The following ESRRG variants were observed in gnomAD, a reference collection of about 807,000 sequenced individuals.
ESRRG encodes the protein estrogen-related receptor gamma.
A neutral mutation model predicts 44.0 loss-of-function variants in ESRRG; 13 were observed. That is an observed-to-expected ratio of 0.30 (90% CI 0.19 to 0.47). ESRRG has a LOEUF of 0.47. ESRRG is among the 20% of genes least tolerant of loss of function. ESRRG has a pLI of 1.00. For missense variants in ESRRG, 395 were observed against 580.6 expected (o/e 0.68, Z 3.29); for synonymous variants, 215 against 214.6 (o/e 1.00, Z -0.02).
At chr1:216,980,065 A>G (rs2073678451) in intron 1 of ESRRG, among the ~76,000 whole-genome samples, 1 of 152,116 alleles carries the variant, frequency 6.6e-6, no homozygotes, top group African/African-American at 2.4e-5. Flanking sequence ...ACCCAATTAA[A>G]ACGCTCACTT....
chr1:217,097,290 T>TA lies in ESRRG; in HGVS notation c.-230+40376dup, dbSNP rs201604665. The stretch of plus-strand genomic sequence containing the variant: ...ACTGCACTCCACCCCCTCTAAAAAT[T>TA]AAAAAAAAGGCACCTCTCTATTATA... On this transcript the variant is annotated intron_variant, in intron 1 of 8. Coordinates refer to the ESRRG transcript ENST00000366940. Among the ~76,000 whole-genome samples, 391 of 151,710 alleles carry TA rather than the reference T, an allele frequency of 2.6e-3. 3 individuals carry two copies. The highest frequency in any genetic ancestry group is 8.2e-3 in the African/African-American group (339 of 41,396).
chr1:216,891,467 C>T (rs2057778820), intron 2 of ESRRG, among the ~76,000 whole-genome samples: 1 of 152,232 alleles, frequency 6.6e-6, no homozygotes, highest in African/African-American at 2.4e-5. Context: ...TGCACACGCA[C>T]ACATACGTGA....
At chr1:216,717,148 T>C (rs60800969) in intron 1 of ESRRG, among the ~76,000 whole-genome samples, 23,037 of 151,852 alleles carry the variant, frequency 0.15, 1,829 homozygotes, top group East Asian at 0.28. Context: ...CAACACTCAA[T>C]AAATCTAAAC....
chr1:216,677,575 T>A, intron 1 of ESRRG, 84 bp from the exon 2 acceptor site: 5 of 1,161,252 alleles, frequency 4.3e-6, no homozygotes, highest in Non-Finnish European at 6.0e-6. Context: ...ACAAAAGAGA[T>A]GGTGAAAAAT....
intron 3 of ESRRG, among the ~76,000 whole-genome samples, chr1:216,603,195 TA>T (rs1207104038): frequency 6.6e-6 from 1 of 152,238 alleles, no homozygotes; most frequent in African/African-American, 2.4e-5. Flanking sequence ...CTATGTAGCT[TA>T]AAAATATTTC....
chr1:217,122,057 C>A (rs951769889), intron 1 of ESRRG, among the ~76,000 whole-genome samples: 7 of 152,186 alleles, frequency 4.6e-5, no homozygotes, highest in African/African-American at 9.7e-5. Context: ...GGCAGGGAAG[C>A]AATATGGAGA....
At chr1:216,779,772 T>C (rs2093855191) in intron 2 of ESRRG, among the ~76,000 whole-genome samples, 1 of 150,558 alleles carries the variant, frequency 6.6e-6, no homozygotes, top group African/African-American at 2.4e-5. Flanking sequence ...GTGTGATTCA[T>C]GTAGGCAGAT....
chr1:217,063,893 A>T (rs2089106549), intron 1 of ESRRG, among the ~76,000 whole-genome samples: 1 of 152,152 alleles, frequency 6.6e-6, no homozygotes. Flanking sequence ...AAAGGTAAGG[A>T]CTGAAGCAAG....
At chr1:216,601,386 C>A (rs2059233821) in intron 3 of ESRRG, among the ~76,000 whole-genome samples, 1 of 152,166 alleles carries the variant, frequency 6.6e-6, no homozygotes, top group African/African-American at 2.4e-5. Context: ...CCCGCTCCAA[C>A]GCCGCGAAGG....
chr1:216,955,078 T>C (rs1027129434), intron 1 of ESRRG, among the ~76,000 whole-genome samples: 1 of 152,212 alleles, frequency 6.6e-6, no homozygotes, highest in African/African-American at 2.4e-5. Flanking sequence ...CTAGATTTTT[T>C]GAACATATAC....
At chr1:216,734,300 C>A (rs1326356865) in intron 2 of ESRRG, among the ~76,000 whole-genome samples, 2 of 152,116 alleles carry the variant, frequency 1.3e-5, no homozygotes, top group Non-Finnish European at 2.9e-5. Context: ...TATGGTTTGG[C>A]TATTTTGTCT....
At chr1:216,603,662 C>G (rs576333067) in intron 3 of ESRRG, among the ~76,000 whole-genome samples, 2 of 152,310 alleles carry the variant, frequency 1.3e-5, no homozygotes, top group East Asian at 3.9e-4. Flanking sequence ...GGCACCGTGG[C>G]TCACGCCTAT....
chr1:217,130,367 G>A (rs764145437), intron 1 of ESRRG, among the ~76,000 whole-genome samples: 17 of 152,200 alleles, frequency 1.1e-4, no homozygotes, highest in East Asian at 1.9e-4. Context: ...TGAGTAGCTC[G>A]GACTACAGGC....
intron 1 of ESRRG, among the ~76,000 whole-genome samples, chr1:217,003,648 A>G (rs571213621): frequency 6.7e-6 from 1 of 149,090 alleles, no homozygotes; most frequent in African/African-American, 2.5e-5. Flanking sequence ...ACCAAACTCA[A>G]GAGTATTTAC....
chr1:216,889,460 A>G (rs1190220077), intron 2 of ESRRG, among the ~76,000 whole-genome samples: 1 of 152,172 alleles, frequency 6.6e-6, no homozygotes, highest in Non-Finnish European at 1.5e-5. Flanking sequence ...CTATCAGGAC[A>G]AGGAGCATAG....
intron 5 of ESRRG, among the ~76,000 whole-genome samples, chr1:216,544,518 T>C (rs911691256): frequency 6.6e-6 from 1 of 151,944 alleles, no homozygotes; most frequent in Non-Finnish European, 1.5e-5. Flanking sequence ...AGTGCTAGGC[T>C]TTTTGGTGCT....
chr1:216,846,083 A>C (rs1354487296), intron 2 of ESRRG, among the ~76,000 whole-genome samples: 1 of 152,188 alleles, frequency 6.6e-6, no homozygotes, highest in African/African-American at 2.4e-5. Flanking sequence ...AATCATGTAA[A>C]AAGAACAAAA....
chr1:216,836,087 C>T (rs767376612), intron 2 of ESRRG, among the ~76,000 whole-genome samples: 1 of 125,876 alleles, frequency 7.9e-6, no homozygotes, highest in Non-Finnish European at 1.6e-5. Context: ...GCCGATGCTG[C>T]GATTTCAAAA....
chr1:216,532,001 A>T lies in ESRRG; in HGVS notation c.863-12580T>A, dbSNP rs1315747956. The stretch of plus-strand genomic sequence containing the variant: ...GATTCAAGGAAATACGTGAAGGAAA[A>T]TACAAGGGTTACCATATTTGGAAGT... On this transcript the variant is annotated intron_variant, in intron 5 of 6. Coordinates refer to ENST00000408911, the MANE Select transcript of ESRRG (RefSeq NM_001438.4). Among the ~76,000 whole-genome samples, 3 of 152,250 alleles carry T rather than the reference A, an allele frequency of 2.0e-5. No homozygotes were observed. In the East Asian group the frequency reaches 5.8e-4, roughly 30 times the overall value.
Sources: gnomAD v4.1 joint callset for allele counts (sites outside exome capture counted in the v4.1 genomes callset) on GRCh38, gnomAD v4.1.1 for gene constraint, MANE v1.5 for transcripts, NCBI Gene and HGNC (gene_info 2026-07-23, HGNC 2026-07-21) for gene names.